The following MPP7 variants were observed in gnomAD, a reference collection of about 807,000 sequenced individuals.
MPP7 encodes the protein MAGUK p55 scaffold protein 7.
In MPP7, 60 loss-of-function variants were observed where a neutral mutation model predicts 76.5. The observed-to-expected ratio is 0.78, with a 90% confidence interval of 0.64 to 0.97. The LOEUF (loss-of-function observed/expected upper bound fraction) is 0.97, where lower values mean the gene tolerates loss of function less well. MPP7 is among the 50% of genes least tolerant of loss of function. The pLI, the probability that MPP7 is intolerant of heterozygous loss-of-function variation, is 0.00. For synonymous variants in MPP7, 237 were observed against 244.5 expected (o/e 0.97, Z 0.29); for missense variants, 641 against 694.0 (o/e 0.92, Z 0.86).
chr10:28,104,880 T>C (rs72803614), intron 11 of MPP7, among the ~76,000 whole-genome samples: 7,998 of 152,150 alleles, frequency 0.053, 260 homozygotes, highest in Middle Eastern at 0.11. Context: ...TTAGAATAAG[T>C]ATTTAGACCA....
chr10:28,250,463 G>A (rs1839580188), intron 1 of MPP7, among the ~76,000 whole-genome samples: 2 of 152,064 alleles, frequency 1.3e-5, no homozygotes, highest in African/African-American at 4.8e-5. Context: ...TGCCTTCTGA[G>A]AACCCTAATA....
intron 1 of MPP7, among the ~76,000 whole-genome samples, chr10:28,267,829 A>C (rs562756786): frequency 6.6e-6 from 1 of 152,130 alleles, no homozygotes; most frequent in Non-Finnish European, 1.5e-5. Flanking sequence ...TGAGGTCAGC[A>C]GTTTGAGACC....
chr10:28,114,181 A>G (rs1382379614), intron 11 of MPP7, among the ~76,000 whole-genome samples: 2 of 152,188 alleles, frequency 1.3e-5, no homozygotes, highest in Admixed American at 6.5e-5. Context: ...GAGGCCACAG[A>G]AGGAGGATCA....
chr10:28,093,000 T>A (rs549907915), intron 11 of MPP7, among the ~76,000 whole-genome samples: 1 of 152,176 alleles, frequency 6.6e-6, no homozygotes, highest in Non-Finnish European at 1.5e-5. Flanking sequence ...AGAATTTAGT[T>A]ATCCCAAACC....
chr10:28,078,683 A>G (rs1852612188), intron 12 of MPP7, among the ~76,000 whole-genome samples: 1 of 152,158 alleles, frequency 6.6e-6, no homozygotes, highest in Admixed American at 6.5e-5. Flanking sequence ...TGTGTGTATC[A>G]ATTTGTATTA....
At chr10:28,238,877 A>G (rs1839169362) in intron 1 of MPP7, 142 bp from the exon 2 acceptor site, 3 of 442,068 alleles carry the variant, frequency 6.8e-6, no homozygotes, top group Non-Finnish European at 8.0e-6. Context: ...GACCACATGC[A>G]AGTACAAACT....
intron 1 of MPP7, among the ~76,000 whole-genome samples, chr10:28,240,431 T>C (rs2132760493): frequency 6.6e-6 from 1 of 152,288 alleles, no homozygotes; most frequent in Admixed American, 6.5e-5. Flanking sequence ...AACTTCACCA[T>C]CAAATGGATT....
chr10:28,133,865 C>T (rs1835271665), intron 5 of MPP7, among the ~76,000 whole-genome samples: 2 of 152,056 alleles, frequency 1.3e-5, no homozygotes, highest in Non-Finnish European at 2.9e-5. Context: ...TGAAATTCAC[C>T]CATGCTGTTA....
chr10:28,245,638 C>T (rs1336893561), intron 1 of MPP7, among the ~76,000 whole-genome samples: 4 of 150,768 alleles, frequency 2.7e-5, no homozygotes, highest in African/African-American at 7.3e-5. Context: ...AGCAGCCAAT[C>T]AACAGATGGC....
At chr10:28,071,307 G>A (rs767166714) in intron 12 of MPP7, among the ~76,000 whole-genome samples, 24 of 152,304 alleles carry the variant, frequency 1.6e-4, no homozygotes, top group Non-Finnish European at 2.5e-4. Context: ...ATCCCAGGTG[G>A]AGGGAAAAGG....
chr10:28,078,833 A>T (rs530283074), intron 12 of MPP7, among the ~76,000 whole-genome samples: 2 of 152,342 alleles, frequency 1.3e-5, no homozygotes, highest in African/African-American at 4.8e-5. Context: ...ATGGTTTTAT[A>T]AAAAGTTTCA....
chr10:28,113,231 C>G (rs2133574431), intron 11 of MPP7, among the ~76,000 whole-genome samples: 1 of 152,250 alleles, frequency 6.6e-6, no homozygotes, highest in Non-Finnish European at 1.5e-5. Context: ...GTCCTGGACC[C>G]CAGTGAAGGC....
At chr10:28,142,838 C>T (rs1378423487) in intron 5 of MPP7, among the ~76,000 whole-genome samples, 4 of 152,028 alleles carry the variant, frequency 2.6e-5, no homozygotes, top group South Asian at 2.1e-4. Flanking sequence ...TGCAGGTGCT[C>T]GAGAAGGTCT....
chr10:28,119,499 A>G, intron 11 of MPP7, 152 bp downstream of exon 11: 1 of 593,748 alleles, frequency 1.7e-6, no homozygotes, highest in South Asian at 2.4e-5. Flanking sequence ...TATTCCAAAT[A>G]TGAATCTCAT....
At chr10:28,138,112 C>T (rs1292706694) in intron 5 of MPP7, among the ~76,000 whole-genome samples, 1 of 152,114 alleles carries the variant, frequency 6.6e-6, no homozygotes, top group African/African-American at 2.4e-5. Context: ...TATTTTATTG[C>T]CTTTTAAAAA....
intron 3 of MPP7, among the ~76,000 whole-genome samples, chr10:28,186,358 A>AG (rs1317640659): frequency 3.3e-5 from 5 of 151,692 alleles, no homozygotes; most frequent in Non-Finnish European, 7.4e-5. Context: ...AAAAAAAAAA[A>AG]AGAGAAAGAA....
intron 6 of MPP7, among the ~76,000 whole-genome samples, chr10:28,125,521 T>C (rs1834990329): frequency 6.6e-6 from 1 of 152,130 alleles, no homozygotes; most frequent in African/African-American, 2.4e-5. Context: ...TTCTATATGT[T>C]AAAAAACTAA....
At chr10:28,179,223 C>A (rs1836979521) in intron 3 of MPP7, among the ~76,000 whole-genome samples, 1 of 152,174 alleles carries the variant, frequency 6.6e-6, no homozygotes, top group South Asian at 2.1e-4. Flanking sequence ...TCTTATTTAA[C>A]TAGATCAGTG....
At chr10:28,101,098 T>C (rs898041512) in intron 11 of MPP7, among the ~76,000 whole-genome samples, 1 of 152,144 alleles carries the variant, frequency 6.6e-6, no homozygotes, top group Admixed American at 6.5e-5. Flanking sequence ...CAACTTAAAA[T>C]TCTCCAAACA....
Sources: gnomAD v4.1 joint callset for allele counts (sites outside exome capture counted in the v4.1 genomes callset) on GRCh38, gnomAD v4.1.1 for gene constraint, MANE v1.5 for transcripts, NCBI Gene and HGNC (gene_info 2026-07-23, HGNC 2026-07-21) for gene names.